TRIM24: variants seen among roughly 807,000 people sequenced by gnomAD.
TRIM24 encodes the protein tripartite motif containing 24.
TRIM24 carries 29 observed loss-of-function variants against 123.9 expected under a neutral mutation model. The ratio of observed to expected loss-of-function variants is 0.23; its 90% confidence interval spans 0.17 to 0.32. The LOEUF (loss-of-function observed/expected upper bound fraction) is 0.32, where lower values mean the gene tolerates loss of function less well. TRIM24 is among the 10% of genes least tolerant of loss of function. The probability of loss-of-function intolerance (pLI) is 1.00; values close to 1 mark genes in which losing one functional copy is unlikely to be tolerated. For synonymous variants in TRIM24, 456 were observed against 461.1 expected, an observed-to-expected ratio of 0.99 and a Z score of 0.14; for missense variants, 932 against 1,295.3, an observed-to-expected ratio of 0.72 and a Z score of 4.31.
At chr7:138,463,043 GTTTTT>G (rs57719141) in intron 1 of TRIM24, among the ~76,000 whole-genome samples, 8 of 60,134 alleles carry the variant, frequency 1.3e-4, no homozygotes, top group Admixed American at 5.0e-4. Flanking sequence ...CTAATTTTGT[GTTTTT>G]TTTTTTTTTT....
chr7:138,525,549 A>G (rs991994685), intron 5 of TRIM24, among the ~76,000 whole-genome samples, 192 bp downstream of exon 5: 14 of 152,174 alleles, frequency 9.2e-5, no homozygotes, highest in Non-Finnish European at 2.1e-4. Context: ...ACTAATAATA[A>G]ACTACACTTA....
At chr7:138,495,094 A>G (rs10239202) in intron 1 of TRIM24, among the ~76,000 whole-genome samples, 3,233 of 152,314 alleles carry the variant, frequency 0.021, 93 homozygotes, top group African/African-American at 0.071. Flanking sequence ...CTTCTAGGAA[A>G]AAGGAAAAAG....
intron 1 of TRIM24, among the ~76,000 whole-genome samples, chr7:138,502,738 T>C (rs1235138085): frequency 1.3e-5 from 2 of 152,208 alleles, no homozygotes; most frequent in African/African-American, 4.8e-5. Flanking sequence ...TTGTGACATC[T>C]TTCCAGATTT....
chr7:138,466,463 C>CTTTTTTTTTTTTTTTTTTTTTTT (rs577317171), intron 1 of TRIM24, among the ~76,000 whole-genome samples: 2 of 74,064 alleles, frequency 2.7e-5, no homozygotes, highest in Non-Finnish European at 4.8e-5. Context: ...ACTTAAGTTG[C>CTTTTTTTTTTTTTTTTTTTTTTT]TTTTTTTTTT....
intron 1 of TRIM24, among the ~76,000 whole-genome samples, chr7:138,469,319 A>C (rs189199912): frequency 1.4e-5 from 2 of 147,594 alleles, no homozygotes; most frequent in African/African-American, 5.0e-5. Context: ...TGTAACCTTG[A>C]CCCCTTTCTC....
chr7:138,485,963 A>T (rs1364175950), intron 1 of TRIM24, among the ~76,000 whole-genome samples: 1 of 152,224 alleles, frequency 6.6e-6, no homozygotes, highest in Non-Finnish European at 1.5e-5. Flanking sequence ...CCAACAGTGT[A>T]AAAGTGTTCC....
intron 9 of TRIM24, among the ~76,000 whole-genome samples, chr7:138,563,271 G>C (rs1340160859): frequency 6.6e-6 from 1 of 152,166 alleles, no homozygotes; most frequent in African/African-American, 2.4e-5. Context: ...AGCAGCCTTT[G>C]ACTGGTGGCA....
At position 138,554,759 on chromosome 7, in the gene TRIM24, G is replaced by A. The variant is rs1395293495; in HGVS notation, c.1323G>A (p.Val441=). The part of the protein sequence containing the change: ...QPQMPKQNPV[V]EQNSQPPSGL... ...AAATGCCTAAGCAGAATCCTGTCGTGGAACAGAATTCACAGCCACCAAGTG... is the reference window on the plus strand; with the variant it reads ...AAATGCCTAAGCAGAATCCTGTCGTAGAACAGAATTCACAGCCACCAAGTG... The change falls in exon 9 of 19, where the codon GTG becomes GTA. Residue 441 remains valine (V), a synonymous_variant. Coordinates refer to ENST00000343526, the MANE Select transcript of TRIM24 (RefSeq NM_015905.3). This position sits in a 1 kb window ranked among gnomAD's most constrained non-coding sequence, Gnocchi z 4.5. 6.2e-7 allele frequency: 1 copy of A among 1,614,108 alleles called. No individual in the cohort carries two copies. Among genetic ancestry groups the A allele is most frequent in the African/African-American group, 1.3e-5 (1 of 75,038 alleles).
chr7:138,557,637 G>C (rs1797341844), intron 9 of TRIM24, among the ~76,000 whole-genome samples: 1 of 152,118 alleles, frequency 6.6e-6, no homozygotes, highest in Non-Finnish European at 1.5e-5. Flanking sequence ...TTGGATTTTT[G>C]CAGTTATATC....
intron 7 of TRIM24, among the ~76,000 whole-genome samples, chr7:138,541,553 T>C (rs912484155): frequency 6.6e-6 from 1 of 152,192 alleles, no homozygotes; most frequent in Non-Finnish European, 1.5e-5. Flanking sequence ...TTTTCACTTA[T>C]AGAACACAAA....
rs1193491897 is a variant in TRIM24 at position 138,504,527 on chromosome 7, A to T, written c.483+119A>T. On this transcript the variant is annotated intron_variant, in intron 2 of 18. Coordinates refer to ENST00000343526, the MANE Select transcript of TRIM24 (RefSeq NM_015905.3). ...CAGGCAGGAGTTCACAAGTGGCGCA[A>T]TCTCCGTTCACTGCAAGCTCCTCCC... is the stretch of plus-strand genomic sequence containing the variant. The T allele has an allele frequency of 1.7e-5, 10 of 572,178 alleles. No individual in the cohort carries two copies. The South Asian group carries it at 4.0e-4, about 23-fold the overall frequency. 35.4% of individuals were successfully genotyped at this position (572,178 alleles called of 1,614,324 possible).
chr7:138,535,548 C>T lies in TRIM24; in HGVS notation c.997-3109C>T, dbSNP rs1271876318. ...TAAGGCTGTTGAATATTGGCCCCTA[C>T]TCTCTTCTGTCTTGTAGAGTTTCTG... On this transcript the variant is annotated intron_variant, in intron 6 of 18. Transcript: ENST00000343526. Among the ~76,000 whole-genome samples the T allele has an allele frequency of 2.6e-5, 4 of 152,312 alleles. No homozygotes were observed. In the South Asian group the frequency reaches 8.3e-4, roughly 32 times the overall value.
chr7:138,565,579 C>T (rs1797519350), intron 9 of TRIM24, among the ~76,000 whole-genome samples: 1 of 152,162 alleles, frequency 6.6e-6, no homozygotes, highest in Admixed American at 6.5e-5. Flanking sequence ...CCTTTCGTCT[C>T]CAATCCCGGG....
chr7:138,485,799 C>T (rs1052677330), intron 1 of TRIM24, among the ~76,000 whole-genome samples: 1 of 152,174 alleles, frequency 6.6e-6, no homozygotes, highest in Admixed American at 6.5e-5. Context: ...CCACAATAAA[C>T]ATACATGTGC....
rs61751967 is a variant in TRIM24, at chr7:138,580,592, C to G, written c.2616C>G (p.Asp872Glu). ...SGEWICTFCR[D>E]LSKPEVEYDC... ...AGTGGATTTGCACTTTCTGCCGAGA[C>G]TTATCTAAACCAGAAGTTGAATATG... The change falls in exon 16 of 19, where the codon GAC (aspartate) becomes GAG (glutamate). Residue 872 changes from aspartate to glutamate, a missense_variant. Transcript: ENST00000343526. The G allele has an allele frequency of 8.8e-3, 14,204 of 1,613,280 alleles. 74 individuals carry two copies. The highest frequency in any genetic ancestry group is 0.01 in the Non-Finnish European group (12,277 of 1,179,570).
At chr7:138,485,188 G>A (rs550756471) in intron 1 of TRIM24, among the ~76,000 whole-genome samples, 50 of 151,744 alleles carry the variant, frequency 3.3e-4, no homozygotes, top group Non-Finnish European at 6.6e-4. Flanking sequence ...ACTATGCCTT[G>A]TCAATGTTTT....
rs535591824 is a variant in TRIM24 at position 138,473,008 on chromosome 7, G to C, written c.364+12096G>C. Among the ~76,000 whole-genome samples the C allele has an allele frequency of 5.4e-4, 82 of 152,250 alleles. 3 individuals are homozygous for C. The South Asian group carries it at 0.016, about 29-fold the overall frequency. On this transcript the variant is annotated intron_variant, in intron 1 of 18. Coordinates refer to ENST00000343526, the MANE Select transcript of TRIM24 (RefSeq NM_015905.3). ...ATAATTCCTTATGTTGGCTGGGTGC[G>C]TTGGCTCATGCCTGTAATCCCAACA... is the stretch of plus-strand genomic sequence containing the variant.
chr7:138,582,191 A>C (rs568143461), intron 17 of TRIM24, among the ~76,000 whole-genome samples: 1 of 152,330 alleles, frequency 6.6e-6, no homozygotes, highest in East Asian at 1.9e-4. Flanking sequence ...ATACAAAAAA[A>C]GTTGAGGAAG....
At chr7:138,564,883 C>G (rs1797502841) in intron 9 of TRIM24, among the ~76,000 whole-genome samples, 1 of 152,118 alleles carries the variant, frequency 6.6e-6, no homozygotes, top group Non-Finnish European at 1.5e-5. Context: ...GACGACTTCC[C>G]TCTCATTTCC....
Sources: gnomAD v4.1 joint callset for allele counts (sites outside exome capture counted in the v4.1 genomes callset) on GRCh38, gnomAD v4.1.1 for gene constraint, Gnocchi (gnomAD v3.1) non-coding constraint, MANE v1.5 for transcripts, NCBI Gene and HGNC (gene_info 2026-07-23, HGNC 2026-07-21) for gene names.